The following PTPRD variants were observed in gnomAD, a reference collection of about 807,000 sequenced individuals.
PTPRD encodes protein tyrosine phosphatase receptor type D.
PTPRD carries 34 observed loss-of-function variants against 214.5 expected under a neutral mutation model. The ratio of observed to expected loss-of-function variants is 0.16; its 90% CI spans 0.12 to 0.21. The LOEUF is 0.21. Ranked by LOEUF, PTPRD falls within the 10% of genes least tolerant of loss-of-function variation. PTPRD has a pLI of 1.00. For synonymous variants in PTPRD, 1,128 were observed against 845.7 expected (o/e 1.33, Z -5.79); for missense variants, 2,545 against 2,398.7 (o/e 1.06, Z -1.27).
chr9:8,474,968 C>T (rs985947990), intron 30 of PTPRD, among the ~76,000 whole-genome samples: 4 of 152,130 alleles, frequency 2.6e-5, no homozygotes, highest in Non-Finnish European at 5.9e-5. Context: ...CTTCTCCTTC[C>T]CCATTTGATC....
chr9:8,829,208 T>C (rs778368034), intron 11 of PTPRD, among the ~76,000 whole-genome samples: 4 of 152,204 alleles, frequency 2.6e-5, no homozygotes, highest in Admixed American at 2.0e-4. Context: ...ACCCACATCC[T>C]TATCAAGATA....
At chr9:9,316,322 T>C (rs1963072815) in intron 9 of PTPRD, among the ~76,000 whole-genome samples, 1 of 152,088 alleles carries the variant, frequency 6.6e-6, no homozygotes. Flanking sequence ...GTTTCCTAAA[T>C]ATGAACTGAT....
chr9:9,842,754 A>G (rs10978027), intron 5 of PTPRD, among the ~76,000 whole-genome samples: 16,656 of 151,536 alleles, frequency 0.11, 2,373 homozygotes, highest in East Asian at 0.74. Flanking sequence ...TGCTTCATAC[A>G]CCAGGTGGTG....
intron 8 of PTPRD, among the ~76,000 whole-genome samples, chr9:9,399,086 G>T (rs998396275): frequency 2.0e-5 from 3 of 151,880 alleles, no homozygotes; most frequent in Admixed American, 6.6e-5. Context: ...AAGGTTTTCT[G>T]TGTCTAAAAT....
chr9:9,543,910 T>A (rs1281865705), intron 8 of PTPRD, among the ~76,000 whole-genome samples: 1 of 151,652 alleles, frequency 6.6e-6, no homozygotes, highest in East Asian at 1.9e-4. Context: ...AAGCTACCAT[T>A]TTCCAGAACT....
intron 5 of PTPRD, among the ~76,000 whole-genome samples, chr9:9,878,654 T>C (rs897779884): frequency 1.3e-5 from 2 of 152,190 alleles, no homozygotes; most frequent in Non-Finnish European, 2.9e-5. Context: ...GGATTGTTTC[T>C]TCATTTTCAA....
At chr9:9,286,545 G>C (rs1175121066) in intron 9 of PTPRD, among the ~76,000 whole-genome samples, 1 of 151,486 alleles carries the variant, frequency 6.6e-6, no homozygotes, top group South Asian at 2.1e-4. Flanking sequence ...ATGAGCATAC[G>C]TTTTTCTAAT....
chr9:9,419,128 T>TACACAC (rs142908778), intron 8 of PTPRD, among the ~76,000 whole-genome samples: 7,166 of 139,880 alleles, frequency 0.051, 364 homozygotes, highest in African/African-American at 0.13. Context: ...AGGCCCCTTA[T>TACACAC]ACACACACAC....
chr9:8,769,901 A>C (rs1463280221), intron 11 of PTPRD, among the ~76,000 whole-genome samples: 1 of 152,178 alleles, frequency 6.6e-6, no homozygotes, highest in African/African-American at 2.4e-5. Context: ...CAATGGGTTT[A>C]AAAAATGGAC....
intron 9 of PTPRD, among the ~76,000 whole-genome samples, chr9:9,238,020 T>G (rs1410851033): frequency 6.6e-6 from 1 of 151,726 alleles, no homozygotes; most frequent in Non-Finnish European, 1.5e-5. Flanking sequence ...CAAGTCCCTT[T>G]CTCCTCCATT....
intron 35 of PTPRD, among the ~76,000 whole-genome samples, chr9:8,420,094 G>A (rs1232512110): frequency 6.6e-6 from 1 of 152,142 alleles, no homozygotes; most frequent in Non-Finnish European, 1.5e-5. Flanking sequence ...TAACCATGGA[G>A]TAAAACTCAT....
At chr9:10,494,233 A>T (rs1252200208) in intron 2 of PTPRD, among the ~76,000 whole-genome samples, 1 of 151,924 alleles carries the variant, frequency 6.6e-6, no homozygotes, top group Non-Finnish European at 1.5e-5. Context: ...TCAAGGTAAA[A>T]TTTAATTCTT....
At chr9:10,083,929 C>G (rs1449102662) in intron 3 of PTPRD, among the ~76,000 whole-genome samples, 2 of 151,946 alleles carry the variant, frequency 1.3e-5, no homozygotes, top group Admixed American at 6.6e-5. Context: ...CCTGTCTGCA[C>G]TAGTCCACAG....
chr9:9,464,172 G>T (rs1461136369), intron 8 of PTPRD, among the ~76,000 whole-genome samples: 1 of 152,056 alleles, frequency 6.6e-6, no homozygotes, highest in African/African-American at 2.4e-5. Context: ...TAGATGATTT[G>T]CTTTCTCTCC....
At chr9:9,171,698 C>T (rs1441539991) in intron 10 of PTPRD, among the ~76,000 whole-genome samples, 1 of 151,854 alleles carries the variant, frequency 6.6e-6, no homozygotes, top group African/African-American at 2.4e-5. Flanking sequence ...AACTACTCTT[C>T]TATAAGTGGC....
intron 7 of PTPRD, among the ~76,000 whole-genome samples, chr9:9,641,315 G>C (rs1651764655): frequency 6.6e-6 from 1 of 152,286 alleles, no homozygotes. Flanking sequence ...GCATGTAATG[G>C]TGTAATTAGT....
At chr9:9,613,788 C>T (rs772527360) in intron 7 of PTPRD, among the ~76,000 whole-genome samples, 5 of 152,136 alleles carry the variant, frequency 3.3e-5, no homozygotes, top group African/African-American at 7.2e-5. Flanking sequence ...TAGAGATCCT[C>T]GGGTGACTTG....
intron 3 of PTPRD, among the ~76,000 whole-genome samples, chr9:10,310,545 A>C (rs2096241331): frequency 6.6e-6 from 1 of 152,082 alleles, no homozygotes; most frequent in Non-Finnish European, 1.5e-5. Flanking sequence ...TGACAAAAGA[A>C]AGGGAAGAAA....
At chr9:8,629,956 C>T (rs2096196959) in intron 14 of PTPRD, among the ~76,000 whole-genome samples, 1 of 151,772 alleles carries the variant, frequency 6.6e-6, no homozygotes, top group African/African-American at 2.4e-5. Flanking sequence ...AAACTTGTTC[C>T]TGAAATGCTC....
Sources: allele counts gnomAD v4.1 joint callset (sites outside exome capture counted in the v4.1 genomes callset), GRCh38; gene constraint gnomAD v4.1.1; transcripts MANE v1.5; gene names NCBI Gene and HGNC (gene_info 2026-07-23, HGNC 2026-07-21).